The following PCP4 variants were observed in gnomAD, a reference collection of about 807,000 sequenced individuals.
PCP4 encodes Purkinje cell protein 4.
In PCP4, 8 loss-of-function variants were observed where a neutral mutation model predicts 10.0. The observed-to-expected ratio is 0.80, with a 90% CI of 0.47 to 1.45. The LOEUF is 1.45. Ranked by LOEUF, PCP4 falls within the 40% of genes most tolerant of loss-of-function variation. The probability of loss-of-function intolerance (pLI) is 0.00; values close to 1 mark genes in which losing one functional copy is unlikely to be tolerated. For missense variants in PCP4, 54 were observed against 74.4 expected (o/e 0.73, Z 1.01); for synonymous variants, 21 against 23.0 (o/e 0.91, Z 0.24).
At chr21:39,891,483 G>C (rs575982725) in intron 1 of PCP4, among the ~76,000 whole-genome samples, 133 of 152,370 alleles carry the variant, frequency 8.7e-4, no homozygotes, top group African/African-American at 3.2e-3. Flanking sequence ...AGCTGGTGGT[G>C]TAGGGTCCAG....
At chr21:39,903,756 T>C (rs1264071345) in intron 2 of PCP4, among the ~76,000 whole-genome samples, 2 of 151,438 alleles carry the variant, frequency 1.3e-5, no homozygotes, top group East Asian at 3.9e-4. Flanking sequence ...TAGTCCCAGC[T>C]ACTCGGGAGG....
rs17754199 is a variant in PCP4 at position 39,928,466 on chromosome 21, A to G, written c.62-518A>G. ...TTGTGAAAGTTCAGTCGAACTGTGA[A>G]GGTCAAATGGTGTCATCCCATCTTG... On this transcript the variant is annotated intron_variant, in intron 2 of 2. Transcript: ENST00000328619. 3.4e-3 allele frequency among the ~76,000 whole-genome samples: 511 copies of G among 152,312 alleles called. 2 individuals are homozygous for G. The highest frequency in any genetic ancestry group is 0.01 in the Middle Eastern group (3 of 294).
At chr21:39,888,438 T>C (rs2299753) in intron 1 of PCP4, among the ~76,000 whole-genome samples, 48,190 of 152,084 alleles carry the variant, frequency 0.32, 9,253 homozygotes, top group African/African-American at 0.54. Flanking sequence ...GGGGGGAGCG[T>C]GGCTGCTGGG....
intron 2 of PCP4, among the ~76,000 whole-genome samples, chr21:39,901,569 G>A (rs552728449): frequency 6.6e-6 from 1 of 152,308 alleles, no homozygotes. Flanking sequence ...TCTTTTAGCT[G>A]AAAACCAGTC....
chr21:39,888,671 C>A (rs1005887754), intron 1 of PCP4, among the ~76,000 whole-genome samples: 2 of 152,224 alleles, frequency 1.3e-5, no homozygotes, highest in Admixed American at 1.3e-4. Flanking sequence ...CTCCCCTCCA[C>A]GCTGAGATGG....
intron 2 of PCP4, among the ~76,000 whole-genome samples, chr21:39,905,770 C>T (rs529309217): frequency 1.3e-3 from 198 of 152,170 alleles, no homozygotes; most frequent in Non-Finnish European, 2.3e-3. Flanking sequence ...AAAATGTGGC[C>T]GGGCACGGTG....
chr21:39,870,219 GGAAAT>G (rs2087313247), intron 1 of PCP4, among the ~76,000 whole-genome samples: 1 of 152,216 alleles, frequency 6.6e-6, no homozygotes, highest in Admixed American at 6.5e-5. Context: ...ACTTTTTAGG[GGAAAT>G]GACATGTGAT....
chr21:39,898,416 A>G, intron 1 of PCP4, 60 bp from the exon 2 acceptor site: 3 of 1,367,654 alleles, frequency 2.2e-6, no homozygotes, highest in Non-Finnish European at 3.1e-6. Context: ...TAAAAGAGAC[A>G]AAAGTAATCC....
intron 2 of PCP4, among the ~76,000 whole-genome samples, chr21:39,913,306 G>A (rs961927766): frequency 5.3e-5 from 8 of 152,298 alleles, no homozygotes; most frequent in South Asian, 2.1e-4. Context: ...GAGAAGGGAC[G>A]TGAGGGGCTG....
At chr21:39,879,026 T>C (rs903169919) in intron 1 of PCP4, among the ~76,000 whole-genome samples, 3 of 151,938 alleles carry the variant, frequency 2.0e-5, no homozygotes, top group African/African-American at 7.2e-5. Context: ...TTTTACTCTT[T>C]TTGCCCAGGG....
intron 1 of PCP4, among the ~76,000 whole-genome samples, chr21:39,875,527 A>G (rs1057330275): frequency 1.3e-5 from 2 of 152,246 alleles, no homozygotes; most frequent in Non-Finnish European, 2.9e-5. Flanking sequence ...CCATTATGCC[A>G]TAGTGAGATC....
At chr21:39,880,178 A>T (rs1211669707) in intron 1 of PCP4, among the ~76,000 whole-genome samples, 1 of 141,428 alleles carries the variant, frequency 7.1e-6, no homozygotes, top group South Asian at 2.2e-4. Flanking sequence ...ATCTATATCT[A>T]TATCTATATC....
At chr21:39,876,011 C>T (rs1358496751) in intron 1 of PCP4, among the ~76,000 whole-genome samples, 1 of 151,680 alleles carries the variant, frequency 6.6e-6, no homozygotes, top group Non-Finnish European at 1.5e-5. Flanking sequence ...CTATCGTTTC[C>T]TTGGTGTTTG....
chr21:39,879,746 T>G (rs1360775524), intron 1 of PCP4, among the ~76,000 whole-genome samples: 1 of 152,184 alleles, frequency 6.6e-6, no homozygotes, highest in African/African-American at 2.4e-5. Context: ...GCTGGCCCCC[T>G]CTGCCTTCAA....
In PCP4 at chr21:39,867,485, G is replaced by A; in HGVS notation, c.-17G>A. ...CTGTGCTGAGCGGCGGGACTGAGCT[G>A]TTGAGTTAGAGCCAACATGAGTGAG... On this transcript the variant is annotated 5_prime_UTR_variant, in exon 1 of 3. Transcript: ENST00000328619. The A allele has an allele frequency of 6.2e-7, 1 of 1,614,144 alleles. No individual in the cohort carries two copies. Among genetic ancestry groups the A allele is most frequent in the Non-Finnish European group, 8.5e-7 (1 of 1,179,968 alleles).
chr21:39,917,525 T>A (rs1601187865), intron 2 of PCP4, among the ~76,000 whole-genome samples: 2 of 152,122 alleles, frequency 1.3e-5, no homozygotes, highest in Admixed American at 1.3e-4. Flanking sequence ...CCGGCTGCCG[T>A]CTTGGGCAAT....
chr21:39,888,103 A>G (rs940796906), intron 1 of PCP4, among the ~76,000 whole-genome samples: 6 of 152,214 alleles, frequency 3.9e-5, no homozygotes, highest in African/African-American at 1.4e-4. Flanking sequence ...TGATATCAGG[A>G]TGCTACAGCA....
At chr21:39,921,180 T>C (rs1372942454) in intron 2 of PCP4, among the ~76,000 whole-genome samples, 1 of 152,202 alleles carries the variant, frequency 6.6e-6, no homozygotes, top group Non-Finnish European at 1.5e-5. Context: ...GCTGGTTGAC[T>C]GTATTATGTG....
At chr21:39,894,445 T>C (rs1385684370) in intron 1 of PCP4, among the ~76,000 whole-genome samples, 1 of 152,238 alleles carries the variant, frequency 6.6e-6, no homozygotes, top group African/African-American at 2.4e-5. Flanking sequence ...CTTAGTTCTC[T>C]AGATAATTCT....
Sources: gnomAD v4.1 joint callset for allele counts (sites outside exome capture counted in the v4.1 genomes callset) on GRCh38, gnomAD v4.1.1 for gene constraint, MANE v1.5 for transcripts, NCBI Gene and HGNC (gene_info 2026-07-23, HGNC 2026-07-21) for gene names.